The following MAD1L1 variants were observed in gnomAD, a reference collection of about 807,000 sequenced individuals.
The protein encoded by MAD1L1 is mitotic arrest deficient 1 like 1.
Under a neutral mutation model 96.9 loss-of-function variants are expected in MAD1L1, and 95 were observed. That is an observed-to-expected ratio of 0.98 (90% CI 0.83 to 1.16). The LOEUF (loss-of-function observed/expected upper bound fraction) is 1.16, where lower values mean the gene tolerates loss of function less well. Among genes scored for constraint, MAD1L1 ranks in the 50% most tolerant of loss-of-function variants. The pLI is 0.00. For synonymous variants in MAD1L1, 473 were observed against 396.6 expected (o/e 1.19, Z -2.29); for missense variants, 1,007 against 954.4 (o/e 1.06, Z -0.73).
In MAD1L1 at chr7:1,883,659, A is replaced by C. The variant is rs115030571; in HGVS notation, c.1998+14541T>G. On this transcript the variant is annotated intron_variant, in intron 18 of 18. Coordinates refer to ENST00000265854, the MANE Select transcript of MAD1L1 (RefSeq NM_001013836.2). ...TTCTGCCCTGTCCAGGGCGGCAAAG[A>C]GGGTACCGTGGCTGGGGTCGCGGGG... Among the ~76,000 whole-genome samples the C allele has an allele frequency of 9.2e-3, 1,401 of 152,286 alleles. 25 individuals are homozygous for C. Among genetic ancestry groups the C allele is most frequent in the African/African-American group, 0.032 (1,319 of 41,542 alleles).
At chr7:1,950,503 G>A (rs144012659) in intron 16 of MAD1L1, among the ~76,000 whole-genome samples, 118 of 152,332 alleles carry the variant, frequency 7.7e-4, no homozygotes, top group East Asian at 2.5e-3. Flanking sequence ...GGTAATCTGC[G>A]GAGGGCGACT....
chr7:1,862,955 G>A (rs960558950), intron 18 of MAD1L1, among the ~76,000 whole-genome samples: 3 of 152,236 alleles, frequency 2.0e-5, no homozygotes, highest in Admixed American at 2.0e-4. Flanking sequence ...CTGAGTCCGT[G>A]TCTTCAGGGG....
chr7:1,964,398 C>T (rs1255719111), intron 15 of MAD1L1, among the ~76,000 whole-genome samples: 3 of 152,230 alleles, frequency 2.0e-5, no homozygotes, highest in Non-Finnish European at 4.4e-5. Context: ...GACCCACCCT[C>T]GCCGCCAGAC....
chr7:1,938,819 GGGCCAGGGCCGGGGCCAGAGGCA>G (rs1778761883), intron 16 of MAD1L1, among the ~76,000 whole-genome samples: 1 of 127,492 alleles, frequency 7.8e-6, no homozygotes, highest in Non-Finnish European at 1.6e-5. Context: ...ACACACACAC[GGGCCAGGGCCGGGGCCAGAGGCA>G]CACACACACA....
At chr7:2,005,059 C>T (rs1194161573) in intron 13 of MAD1L1, among the ~76,000 whole-genome samples, 1 of 152,192 alleles carries the variant, frequency 6.6e-6, no homozygotes, top group Non-Finnish European at 1.5e-5. Flanking sequence ...AGTGCAGCCC[C>T]GGGATGCGGC....
At chr7:2,118,121 C>A (rs958235280) in intron 11 of MAD1L1, among the ~76,000 whole-genome samples, 4 of 152,170 alleles carry the variant, frequency 2.6e-5, no homozygotes, top group Non-Finnish European at 5.9e-5. Context: ...CCCTGTGCAC[C>A]CGACACTCAT....
At chr7:2,091,622 A>G (rs1337547576) in intron 11 of MAD1L1, among the ~76,000 whole-genome samples, 2 of 152,168 alleles carry the variant, frequency 1.3e-5, no homozygotes, top group Admixed American at 6.5e-5. Context: ...AAAAAATACA[A>G]AAAATTAGCC....
chr7:2,060,503 G>A (rs540792746), intron 12 of MAD1L1, among the ~76,000 whole-genome samples: 31 of 147,634 alleles, frequency 2.1e-4, no homozygotes, highest in East Asian at 5.8e-4. Flanking sequence ...TGCCGAGACC[G>A]AGATAACGCT....
chr7:2,125,939 G>A (rs1788211334), intron 11 of MAD1L1, among the ~76,000 whole-genome samples: 1 of 152,254 alleles, frequency 6.6e-6, no homozygotes, highest in Non-Finnish European at 1.5e-5. Context: ...TTGGCCCCTG[G>A]GCCTCCTCAC....
chr7:2,228,679 C>G (rs553073965), intron 3 of MAD1L1, among the ~76,000 whole-genome samples: 10 of 149,824 alleles, frequency 6.7e-5, no homozygotes, highest in African/African-American at 2.5e-4. Context: ...ATATATATGA[C>G]CTAATCTCAG....
At chr7:2,097,560 T>A (rs3800900) in intron 11 of MAD1L1, among the ~76,000 whole-genome samples, 6,889 of 151,812 alleles carry the variant, frequency 0.045, 251 homozygotes, top group African/African-American at 0.095. Flanking sequence ...AGGCAGTGAA[T>A]GAGAAAGTGC....
chr7:1,969,486 G>A (rs899074834), intron 15 of MAD1L1, among the ~76,000 whole-genome samples: 1 of 152,202 alleles, frequency 6.6e-6, no homozygotes, highest in African/African-American at 2.4e-5. Flanking sequence ...AGACAAGAAT[G>A]TCTGCTTTTG....
chr7:1,867,830 C>A (rs1387215246), intron 18 of MAD1L1, among the ~76,000 whole-genome samples: 1 of 152,216 alleles, frequency 6.6e-6, no homozygotes, highest in Non-Finnish European at 1.5e-5. Flanking sequence ...ATAATTGGAG[C>A]TGAAGTTGTT....
chr7:2,186,219 T>C (rs1267997876), intron 10 of MAD1L1, among the ~76,000 whole-genome samples: 1 of 152,356 alleles, frequency 6.6e-6, no homozygotes, highest in Non-Finnish European at 1.5e-5. Context: ...AAAAAGAATG[T>C]TTCAGATACA....
chr7:2,081,704 G>A (rs912136239), intron 11 of MAD1L1, among the ~76,000 whole-genome samples: 2 of 152,234 alleles, frequency 1.3e-5, no homozygotes, highest in Admixed American at 1.3e-4. Context: ...CGTGGTCGGC[G>A]GAGCACAACG....
At chr7:1,824,882 G>A (rs1459896287) in intron 18 of MAD1L1, among the ~76,000 whole-genome samples, 1 of 152,032 alleles carries the variant, frequency 6.6e-6, no homozygotes, top group Non-Finnish European at 1.5e-5. Flanking sequence ...CCGGGGAGAA[G>A]ACTCAGCAGC....
In MAD1L1 at chr7:2,220,810, GAAGA is replaced by G. The variant is rs1793561350; in HGVS notation, c.472-1358_472-1355del. 4 of 1,404,464 alleles carry G rather than the reference GAAGA, an allele frequency of 2.8e-6. No individual in the cohort carries two copies. The East Asian group carries it at 9.7e-5, about 34-fold the overall frequency. 87.0% of individuals were successfully genotyped at this position (1,404,464 alleles called of 1,614,324 possible). On this transcript the variant is annotated intron_variant, in intron 5 of 18. Transcript: ENST00000265854. ...AAGCATCAACCTGGGAGTCAACAAAGAAGAAAGGTATTAAAAACATACTAACAAT... is the reference window on the plus strand; with the variant it reads ...AAGCATCAACCTGGGAGTCAACAAAGAAGGTATTAAAAACATACTAACAAT...
chr7:2,000,390 A>C (rs894245987), intron 14 of MAD1L1, among the ~76,000 whole-genome samples: 3 of 151,988 alleles, frequency 2.0e-5, no homozygotes, highest in Non-Finnish European at 2.9e-5. Context: ...AATGGACACC[A>C]GGTTGTGTCA....
rs10253087 is a variant in MAD1L1, at chr7:2,071,533, C to T, written c.1074-2195G>A. Among the ~76,000 whole-genome samples the T allele has an allele frequency of 8.5e-5, 13 of 152,202 alleles. No homozygotes were observed. In the East Asian group the frequency reaches 1.3e-3, roughly 16 times the overall value. On this transcript the variant is annotated intron_variant, in intron 11 of 18. Transcript: ENST00000265854. ...AGGCCTTCCATGTGCCAATGACTGA[C>T]GGTGGCTGCAGCCCCTGGGCAGCTG...
Sources: allele counts gnomAD v4.1 joint callset (sites outside exome capture counted in the v4.1 genomes callset), GRCh38; gene constraint gnomAD v4.1.1; transcripts MANE v1.5; gene names NCBI Gene and HGNC (gene_info 2026-07-23, HGNC 2026-07-21).